The following UQCC6 variants were observed in gnomAD, a reference collection of about 807,000 sequenced individuals.
UQCC6 encodes protein BRAWNIN.
At chr12:103,951,344 C>T in the UQCC6 span, 1 of 484,144 alleles carries the variant, frequency 2.1e-6, no homozygotes, top group East Asian at 3.2e-5. Flanking sequence ...TGTGCTTTGG[C>T]AGTTTTCAAG....
chr12:103,953,529 G>A, the UQCC6 span: 398 of 702,370 alleles, frequency 5.7e-4, 3 homozygotes, highest in East Asian at 0.011. Context: ...TTGTGATCCA[G>A]TTTTGCTACA....
chr12:103,963,963 A>C, the UQCC6 span, among the ~76,000 whole-genome samples: 1 of 151,624 alleles, frequency 6.6e-6, no homozygotes, highest in Non-Finnish European at 1.5e-5. Flanking sequence ...TTCTGTTTCC[A>C]GATTGCTAAA....
chr12:103,960,717 G>A, the UQCC6 span, among the ~76,000 whole-genome samples: 1 of 152,030 alleles, frequency 6.6e-6, no homozygotes, highest in Non-Finnish European at 1.5e-5. Flanking sequence ...TACACGACAG[G>A]TGGCCCCATA....
At chr12:103,953,508 G>A in the UQCC6 span, 382 of 702,328 alleles carry the variant, frequency 5.4e-4, no homozygotes, top group African/African-American at 5.7e-3. Flanking sequence ...CCAGTTCTCC[G>A]ACCGAAAGAC....
At chr12:103,954,420 T>C in the UQCC6 span, among the ~76,000 whole-genome samples, 5 of 152,230 alleles carry the variant, frequency 3.3e-5, no homozygotes, top group African/African-American at 1.2e-4. Context: ...TTTTAACTCA[T>C]GGCAGAAGGC....
At chr12:103,958,726 T>A in the UQCC6 span, among the ~76,000 whole-genome samples, 1 of 152,168 alleles carries the variant, frequency 6.6e-6, no homozygotes, top group African/African-American at 2.4e-5. Flanking sequence ...GTTGTTGGTG[T>A]GTAAATAAAT....
chr12:103,954,438 G>A, the UQCC6 span, among the ~76,000 whole-genome samples: 10 of 152,210 alleles, frequency 6.6e-5, no homozygotes, highest in Admixed American at 1.3e-4. Context: ...GGCAAAGTGG[G>A]AGCATGTGTA....
the UQCC6 span, among the ~76,000 whole-genome samples, chr12:103,962,040 C>G: frequency 6.6e-6 from 1 of 152,180 alleles, no homozygotes; most frequent in Non-Finnish European, 1.5e-5. Flanking sequence ...TGGAAGTACA[C>G]TCTGTAACAT....
the UQCC6 span, chr12:103,953,521 G>A: frequency 1.4e-6 from 1 of 702,264 alleles, no homozygotes; most frequent in Non-Finnish European, 2.6e-6. Context: ...CGAAAGACTT[G>A]TGATCCAGTT....
At chr12:103,953,560 C>G in the UQCC6 span, 1 of 702,226 alleles carries the variant, frequency 1.4e-6, no homozygotes, top group Non-Finnish European at 2.6e-6. Flanking sequence ...TGGTTGACAA[C>G]AGTGACAGTA....
At chr12:103,963,702 T>G in the UQCC6 span, among the ~76,000 whole-genome samples, 3 of 152,208 alleles carry the variant, frequency 2.0e-5, no homozygotes, top group Non-Finnish European at 4.4e-5. Flanking sequence ...TATTTCATAT[T>G]TTTGATGCTA....
the UQCC6 span, among the ~76,000 whole-genome samples, chr12:103,958,368 G>A: frequency 1.3e-5 from 2 of 152,022 alleles, no homozygotes. Flanking sequence ...TATGATGTTT[G>A]ACATATGTGA....
the UQCC6 span, chr12:103,951,370 C>A: frequency 1.2e-4 from 59 of 499,492 alleles, 1 homozygote; most frequent in African/African-American, 1.0e-3. Context: ...TCAATCAAAC[C>A]GTAATTAAAT....
chr12:103,961,108 G>A, the UQCC6 span, among the ~76,000 whole-genome samples: 1 of 151,772 alleles, frequency 6.6e-6, no homozygotes, highest in African/African-American at 2.4e-5. Context: ...TGATACTGAC[G>A]ATCTTGACCC....
At chr12:103,958,007 TTATTTTTAA>T in the UQCC6 span, among the ~76,000 whole-genome samples, 1 of 132,304 alleles carries the variant, frequency 7.6e-6, no homozygotes, top group African/African-American at 2.6e-5. Context: ...TAATATATAT[TTATTTTTAA>T]TATATATTTA....
At chr12:103,955,080 A>G in the UQCC6 span, 1 of 613,850 alleles carries the variant, frequency 1.6e-6, no homozygotes, top group Non-Finnish European at 3.0e-6. Flanking sequence ...TTTGGGAGGC[A>G]GAGGCGGGCG....
At chr12:103,951,679 G>T in the UQCC6 span, 1 of 1,054,068 alleles carries the variant, frequency 9.5e-7, no homozygotes. Flanking sequence ...CCTTAATAAG[G>T]CTGTAATTCA....
chr12:103,962,448 T>A, the UQCC6 span, among the ~76,000 whole-genome samples: 1 of 152,228 alleles, frequency 6.6e-6, no homozygotes, highest in Non-Finnish European at 1.5e-5. Context: ...ATTTTGTTTT[T>A]TTATATGGTG....
At chr12:103,951,433 A>G in the UQCC6 span, 29 of 687,622 alleles carry the variant, frequency 4.2e-5, no homozygotes, top group African/African-American at 4.7e-4. Context: ...AGTTAGCATT[A>G]GACTAAGTGC....
Sources: gnomAD v4.1 joint callset for allele counts (sites outside exome capture counted in the v4.1 genomes callset) on GRCh38, gnomAD v4.1.1 for gene constraint, MANE v1.5 for transcripts, NCBI Gene and HGNC (gene_info 2026-07-23, HGNC 2026-07-21) for gene names.